Variants in WWOX observed in about 807,000 individuals in gnomAD.
The protein encoded by WWOX is WW domain-containing oxidoreductase.
In WWOX, 69 loss-of-function variants were observed where a neutral mutation model predicts 46.2. That is an observed-to-expected ratio of 1.49 (90% CI 1.23 to 1.82). The LOEUF (loss-of-function observed/expected upper bound fraction) is 1.82, where lower values mean the gene tolerates loss of function less well. Among genes scored for constraint, WWOX ranks in the 40% most tolerant of loss-of-function variants. The pLI is 0.00. For synonymous variants in WWOX, 359 were observed against 202.6 expected (o/e 1.77, Z -6.56); for missense variants, 919 against 542.6 (o/e 1.69, Z -6.89).
intron 8 of WWOX, among the ~76,000 whole-genome samples, chr16:78,859,116 T>TGAAGTGGC (rs1428860037): frequency 1.4e-5 from 2 of 142,794 alleles, no homozygotes; most frequent in Non-Finnish European, 3.0e-5. Context: ...CTATAATCGA[T>TGAAGTGGC]GAAGTGGCTC....
At chr16:78,421,329 C>T (rs6564544) in intron 6 of WWOX, among the ~76,000 whole-genome samples, 13,298 of 151,998 alleles carry the variant, frequency 0.087, 1,656 homozygotes, top group African/African-American at 0.28. Context: ...CTGCCAGCCA[C>T]CCTTGGAATT....
chr16:78,654,039 A>C (rs1295466679), intron 8 of WWOX, among the ~76,000 whole-genome samples: 2 of 152,234 alleles, frequency 1.3e-5, no homozygotes. Context: ...CAACTATTGC[A>C]GAAATTTCTG....
At chr16:78,619,778 G>A (rs1253111824) in intron 8 of WWOX, among the ~76,000 whole-genome samples, 2 of 151,922 alleles carry the variant, frequency 1.3e-5, no homozygotes, top group Admixed American at 1.3e-4. Context: ...ACATGGGGGT[G>A]CATGTCTGTG....
intron 8 of WWOX, among the ~76,000 whole-genome samples, chr16:79,082,064 A>C (rs17727546): frequency 0.086 from 13,157 of 152,248 alleles, 664 homozygotes; most frequent in Middle Eastern, 0.11. Flanking sequence ...GAGTGAAGCC[A>C]TTCCTTGCCA....
chr16:78,410,805 C>CAAAAAA (rs61207788), intron 6 of WWOX, among the ~76,000 whole-genome samples: 1 of 75,006 alleles, frequency 1.3e-5, no homozygotes, highest in African/African-American at 3.8e-5. Context: ...GGCCCCACCT[C>CAAAAAA]AAAAAAAAAA....
At chr16:79,093,151 C>G (rs1250880734) in intron 8 of WWOX, among the ~76,000 whole-genome samples, 1 of 151,946 alleles carries the variant, frequency 6.6e-6, no homozygotes, top group East Asian at 1.9e-4. Flanking sequence ...AATGACACTT[C>G]TAAAGGAAAA....
intron 8 of WWOX, among the ~76,000 whole-genome samples, chr16:78,907,894 G>A (rs574389382): frequency 6.6e-6 from 1 of 152,192 alleles, no homozygotes; most frequent in Non-Finnish European, 1.5e-5. Flanking sequence ...AAGGGTCGAT[G>A]AATTCACCAA....
chr16:78,887,084 G>A (rs1263030536), intron 8 of WWOX, among the ~76,000 whole-genome samples: 5 of 10,320 alleles, frequency 4.8e-4, no homozygotes, highest in Non-Finnish European at 3.2e-3. Flanking sequence ...TGTGGTGTGT[G>A]TGTGTGTGTG....
At position 78,292,246 on chromosome 16, in the gene WWOX, C is replaced by A. The variant is rs144101769; in HGVS notation, c.517-94614C>A. 3.3e-4 allele frequency among the ~76,000 whole-genome samples: 50 copies of A among 152,180 alleles called. No homozygotes were observed. The Middle Eastern group carries it at 0.01, about 31-fold the overall frequency. On this transcript the variant is annotated intron_variant, in intron 5 of 8. Transcript: ENST00000566780. ...ACTGATGGTGCCATGAGGGCAGGGG[C>A]AACTCCTATCCTAAGGCGTGGCCCA... is the stretch of plus-strand genomic sequence containing the variant.
intron 1 of WWOX, among the ~76,000 whole-genome samples, chr16:78,104,878 C>T (rs2032042913): frequency 6.6e-6 from 1 of 152,120 alleles, no homozygotes; most frequent in Non-Finnish European, 1.5e-5. Context: ...TGTTATTGTC[C>T]CCATCTAAAC....
At chr16:78,404,351 A>C (rs1201134152) in intron 6 of WWOX, among the ~76,000 whole-genome samples, 2 of 152,086 alleles carry the variant, frequency 1.3e-5, no homozygotes, top group African/African-American at 2.4e-5. Flanking sequence ...GTGAGAGCAC[A>C]AGGTGACTTC....
At chr16:79,102,711 T>C (rs1034451016) in intron 8 of WWOX, among the ~76,000 whole-genome samples, 2 of 152,022 alleles carry the variant, frequency 1.3e-5, no homozygotes, top group African/African-American at 4.8e-5. Flanking sequence ...TTGGACACAA[T>C]CCTAATATCT....
chr16:78,892,787 C>T (rs2044619418), intron 8 of WWOX, among the ~76,000 whole-genome samples: 1 of 152,140 alleles, frequency 6.6e-6, no homozygotes, highest in South Asian at 2.1e-4. Flanking sequence ...TTTTGTTAGC[C>T]ACGATTTGGA....
rs562994437 is a variant in WWOX at position 78,127,285 on chromosome 16, C to G, written c.409+12131C>G. On this transcript the variant is annotated intron_variant, in intron 4 of 8. Transcript: ENST00000566780. ...GGCGTTTAATAACGTGTAGCCATTT[C>G]TGGAATGGGAGGCAAGAGGATCGAG... Among the ~76,000 whole-genome samples the G allele has an allele frequency of 9.1e-4, 139 of 152,198 alleles. 1 individual carries two copies. Among genetic ancestry groups the G allele is most frequent in the African/African-American group, 3.2e-3 (131 of 41,518 alleles).
chr16:78,909,290 T>A lies in WWOX; in HGVS notation c.1057-302318T>A, dbSNP rs180751269. 1.2e-3 allele frequency among the ~76,000 whole-genome samples: 187 copies of A among 152,280 alleles called. 3 individuals carry two copies. The South Asian group carries it at 0.019, about 15-fold the overall frequency. On this transcript the variant is annotated intron_variant, in intron 8 of 8. Transcript: ENST00000566780. ...ACATTAAGAGACAGGCACTTGTAAA[T>A]GTTGAGATGCCAAGGGGGAAAGAAT...
chr16:78,698,385 G>A (rs1471108927), intron 8 of WWOX, among the ~76,000 whole-genome samples: 2 of 152,162 alleles, frequency 1.3e-5, no homozygotes, highest in Non-Finnish European at 2.9e-5. Flanking sequence ...CAGAGGTTTC[G>A]CTACATTTTG....
chr16:78,421,624 A>G (rs972956061), intron 6 of WWOX, among the ~76,000 whole-genome samples: 1 of 152,166 alleles, frequency 6.6e-6, no homozygotes, highest in Non-Finnish European at 1.5e-5. Flanking sequence ...CATTCAACCC[A>G]CTATAAAGCA....
chr16:78,451,653 C>T (rs56274800), intron 8 of WWOX, among the ~76,000 whole-genome samples: 51,792 of 152,030 alleles, frequency 0.34, 11,818 homozygotes, highest in African/African-American at 0.65. Flanking sequence ...GGGAGGTGTG[C>T]AGGACACAGC....
intron 8 of WWOX, among the ~76,000 whole-genome samples, chr16:78,837,724 T>G (rs767752796): frequency 3.3e-5 from 5 of 152,182 alleles, no homozygotes; most frequent in Admixed American, 6.5e-5. Context: ...GAATTTCTAT[T>G]TATTATTTTG....
Sources: gnomAD v4.1 joint callset for allele counts (sites outside exome capture counted in the v4.1 genomes callset) on GRCh38, gnomAD v4.1.1 for gene constraint, MANE v1.5 for transcripts, NCBI Gene and HGNC (gene_info 2026-07-23, HGNC 2026-07-21) for gene names.